The following KANSL2 variants were observed in gnomAD, a reference collection of about 807,000 sequenced individuals.
KANSL2 encodes KAT8 regulatory NSL complex subunit 2, also known as NSL complex protein NSL2.
In KANSL2, 34 loss-of-function variants were observed where a neutral mutation model predicts 55.6. The observed-to-expected ratio is 0.61, with a 90% confidence interval of 0.46 to 0.81. The LOEUF is 0.81. Among genes scored for constraint, KANSL2 ranks in the 40% least tolerant of loss-of-function variants. The pLI, the probability that KANSL2 is intolerant of heterozygous loss-of-function variation, is 0.00. For synonymous variants in KANSL2, 209 were observed against 214.3 expected, an observed-to-expected ratio of 0.98 and a Z score of 0.22; for missense variants, 502 against 609.9, an observed-to-expected ratio of 0.82 and a Z score of 1.86.
At chr12:48,665,195 A>C (rs558549057) in intron 7 of KANSL2, among the ~76,000 whole-genome samples, 344 of 152,322 alleles carry the variant, frequency 2.3e-3, no homozygotes, top group South Asian at 6.8e-3. Context: ...AATTAGTAAA[A>C]TATTTAATAA....
At chr12:48,663,766 G>C (rs1939532544) in intron 7 of KANSL2, among the ~76,000 whole-genome samples, 1 of 152,126 alleles carries the variant, frequency 6.6e-6, no homozygotes, top group Non-Finnish European at 1.5e-5. Context: ...TCAACAGTAA[G>C]CCATAAGGCT....
At chr12:48,671,703 A>C in intron 5 of KANSL2, 96 bp downstream of exon 5, 1 of 1,273,148 alleles carries the variant, frequency 7.9e-7, no homozygotes. Flanking sequence ...ATCACCTAAC[A>C]AAGTATGTAT....
At chr12:48,671,733 A>T in intron 5 of KANSL2, 66 bp downstream of exon 5, 1 of 1,471,912 alleles carries the variant, frequency 6.8e-7, no homozygotes. Context: ...TAAGTGACAC[A>T]TGACTGTACT....
chr12:48,681,862 C>A (rs1265505707), intron 1 of KANSL2: 2 of 705,208 alleles, frequency 2.8e-6, no homozygotes, highest in South Asian at 1.5e-5. Context: ...CCACACCACG[C>A]TGAATGTATC....
In KANSL2 at chr12:48,681,366, A is replaced by G. The variant is rs1219432935; in HGVS notation, c.251+16T>C. 6 of 1,597,416 alleles carry G rather than the reference A, an allele frequency of 3.8e-6. No homozygotes were observed. Among genetic ancestry groups the G allele is most frequent in the Non-Finnish European group, 4.3e-6 (5 of 1,172,096 alleles). ...TCGCTTTAAGAAAAACGACATATATATCTATACATATATACCCATCTTTCT... is the reference window on the plus strand; with the variant it reads ...TCGCTTTAAGAAAAACGACATATATGTCTATACATATATACCCATCTTTCT... On this transcript the variant is annotated intron_variant, in intron 2 of 9. Coordinates refer to ENST00000420613, the MANE Select transcript of KANSL2 (RefSeq NM_017822.4).
Position 48,679,849 on chromosome 12 carries a change from A to T in KANSL2, c.252-16T>A. 1.9e-6 allele frequency: 3 copies of T among 1,565,476 alleles called. No individual in the cohort carries two copies. The highest frequency in any genetic ancestry group is 2.6e-6 in the Non-Finnish European group (3 of 1,154,932). ...GAAGGACACCCTGAAGAGACAAAAC[A>T]TTAATATTTTATAAGTTCCTTCTTG... On this transcript the variant is annotated splice_polypyrimidine_tract_variant and intron_variant, in intron 2 of 9. Coordinates refer to ENST00000420613, the MANE Select transcript of KANSL2 (RefSeq NM_017822.4).
chr12:48,663,403 A>T lies in KANSL2; in HGVS notation c.974-2784T>A, dbSNP rs184830981. 3.9e-5 allele frequency among the ~76,000 whole-genome samples: 6 copies of T among 152,304 alleles called. No individual in the cohort carries two copies. The East Asian group carries it at 1.2e-3, about 29-fold the overall frequency. Reference sequence around the variant, plus strand: ...ATTGTATATTTTAAATTTTATTTTAAAACAAATATATGTACAAATATCAAT... The same window carrying T: ...ATTGTATATTTTAAATTTTATTTTATAACAAATATATGTACAAATATCAAT... On this transcript the variant is annotated intron_variant, in intron 7 of 9. Transcript: ENST00000420613.
intron 4 of KANSL2, among the ~76,000 whole-genome samples, chr12:48,676,634 G>A (rs1287813080): frequency 2.0e-5 from 3 of 152,072 alleles, no homozygotes; most frequent in Non-Finnish European, 4.4e-5. Context: ...CTCCAGCCTG[G>A]GTGACAAGAG....
At position 48,655,230 on chromosome 12, in the gene KANSL2, A is replaced by G. The variant is rs116615200; in HGVS notation, c.1228-170T>C. Among the ~76,000 whole-genome samples the G allele has an allele frequency of 2.5e-3, 380 of 152,324 alleles. 4 individuals carry two copies. The highest frequency in any genetic ancestry group is 8.9e-3 in the African/African-American group (370 of 41,574). The stretch of plus-strand genomic sequence containing the variant: ...TCCAACAAATGAAACAAGATCCAAA[A>G]GCACTGAGAGCTTTTGCTGCCAAGT... On this transcript the variant is annotated intron_variant, in intron 8 of 9. Coordinates refer to ENST00000420613, the MANE Select transcript of KANSL2 (RefSeq NM_017822.4).
At chr12:48,679,351 G>A in intron 3 of KANSL2, 1 of 648,324 alleles carries the variant, frequency 1.5e-6, no homozygotes, top group Non-Finnish European at 2.7e-6. Flanking sequence ...ACATAAATGA[G>A]TAAACCATGC....
At chr12:48,669,053 A>G (rs1939656751) in intron 6 of KANSL2, 53 bp downstream of exon 6, 25 of 1,378,180 alleles carry the variant, frequency 1.8e-5, no homozygotes, top group Non-Finnish European at 2.4e-5. Flanking sequence ...CGAAAAAATA[A>G]AAACAATAAA....
rs1163655339 is a variant in KANSL2, at chr12:48,654,314, A to C, written c.1348-139T>G. ...TTAATTCTGGACAGATGCTCTTCCC[A>C]TATTAGCTATCCTAGTCCCTTGGAA... On this transcript the variant is annotated intron_variant, in intron 9 of 9. Transcript: ENST00000420613. 8.6e-6 allele frequency: 8 copies of C among 933,192 alleles called. No homozygotes were observed. The African/African-American group carries it at 1.3e-4, about 15-fold the overall frequency. The allele number at this position is 933,192 out of a possible 1,614,324, so 57.8% of individuals were successfully genotyped here. A position where few individuals can be genotyped will look rare whatever the true frequency, so the allele number is the denominator to read the frequency against.
Position 48,669,162 on chromosome 12 carries a change from G to A in KANSL2, c.820C>T (p.Leu274=). ...YRQRYGVEAL[L]HRQLKERRML... ...CTCCGTTCCTTCAACTGCCTATGCA[G>A]TAAGGCTTCCACTCCATAGCGCTGG... The change falls in exon 6 of 10, where the codon CTG becomes TTG. Residue 274 remains leucine (L), a synonymous_variant. Transcript: ENST00000420613. 1.3e-6 allele frequency: 2 copies of A among 1,551,988 alleles called. No homozygotes were observed. Among genetic ancestry groups the A allele is most frequent in the East Asian group, 2.4e-5 (1 of 40,982 alleles).
intron 7 of KANSL2, 38 bp downstream of exon 7, chr12:48,667,655 A>G (rs1939627175): frequency 6.7e-7 from 1 of 1,489,760 alleles, no homozygotes; most frequent in African/African-American, 1.4e-5. Flanking sequence ...TCTTCAAACT[A>G]GCAAACCACA....
intron 4 of KANSL2, among the ~76,000 whole-genome samples, chr12:48,677,818 A>G (rs1014730576): frequency 3.3e-5 from 5 of 150,938 alleles, no homozygotes; most frequent in Non-Finnish European, 7.4e-5. Flanking sequence ...AAAGGAATGA[A>G]TATGTTGGTT....
At chr12:48,682,015 C>A in intron 1 of KANSL2, 172 bp downstream of exon 1, 2 of 703,018 alleles carry the variant, frequency 2.8e-6, no homozygotes, top group Non-Finnish European at 5.2e-6. Context: ...CCTATGCGAG[C>A]GCCATTTTGT....
At chr12:48,679,854 T>G in intron 2 of KANSL2, 21 bp from the exon 3 acceptor site, 2 of 1,555,398 alleles carry the variant, frequency 1.3e-6, no homozygotes, top group Non-Finnish European at 1.7e-6. Context: ...AAAACATTAA[T>G]ATTTTATAAG....
chr12:48,663,935 T>TTTTTA (rs56340327), intron 7 of KANSL2, among the ~76,000 whole-genome samples: 1 of 119,858 alleles, frequency 8.3e-6, no homozygotes, highest in African/African-American at 2.9e-5. Context: ...TTTTTTTTTT[T>TTTTTA]GAGACAGAGT....
chr12:48,674,095 G>T (rs1158901974), intron 4 of KANSL2, among the ~76,000 whole-genome samples: 2 of 151,950 alleles, frequency 1.3e-5, no homozygotes, highest in African/African-American at 4.8e-5. Flanking sequence ...TATTGAAAAG[G>T]CAAAACACAT....
Sources: gnomAD v4.1 joint callset for allele counts (sites outside exome capture counted in the v4.1 genomes callset) on GRCh38, gnomAD v4.1.1 for gene constraint, MANE v1.5 for transcripts, NCBI Gene and HGNC (gene_info 2026-07-23, HGNC 2026-07-21) for gene names.